Variants in RAD51B observed in about 807,000 individuals in gnomAD.
The protein encoded by RAD51B is RAD51 paralog B, also known as DNA repair protein RAD51 homolog 2.
Under a neutral mutation model 42.2 loss-of-function variants are expected in RAD51B, and 38 were observed. The ratio of observed to expected loss-of-function variants is 0.90; its 90% CI spans 0.70 to 1.18. The LOEUF is 1.18. Among genes scored for constraint, RAD51B ranks in the 50% most tolerant of loss-of-function variants. The pLI is 0.00. For synonymous variants in RAD51B, 154 were observed against 145.2 expected, an observed-to-expected ratio of 1.06 and a Z score of -0.43; for missense variants, 373 against 400.7, an observed-to-expected ratio of 0.93 and a Z score of 0.59.
intron 7 of RAD51B, among the ~76,000 whole-genome samples, chr14:68,117,866 A>G (rs1387171166): frequency 1.3e-5 from 2 of 152,232 alleles, no homozygotes; most frequent in Non-Finnish European, 2.9e-5. Flanking sequence ...ATTGCAAGAA[A>G]TATTTTTAGA....
intron 7 of RAD51B, chr14:68,114,082 T>C (rs192242310): frequency 9.2e-5 from 14 of 152,262 alleles, no homozygotes; most frequent in Non-Finnish European, 1.5e-4. Flanking sequence ...GTGAGAGTTT[T>C]CCACACTGAA....
intron 5 of RAD51B, among the ~76,000 whole-genome samples, chr14:67,879,283 T>TA (rs2042830438): frequency 6.6e-6 from 1 of 152,348 alleles, no homozygotes; most frequent in Admixed American, 6.5e-5. Flanking sequence ...CCAGATTATG[T>TA]AGGATAATCT....
Position 68,497,121 on chromosome 14 carries a change from C to T in RAD51B, c.1036+28871C>T, listed in dbSNP as rs186629790. 3.6e-6 allele frequency: 5 copies of T among 1,389,010 alleles called. No homozygotes were observed. Among genetic ancestry groups the T allele is most frequent in the African/African-American group, 2.9e-5 (2 of 69,500 alleles). The allele number at this position is 1,389,010 out of a possible 1,614,324, so 86.0% of individuals were successfully genotyped here. A position where few individuals can be genotyped will look rare whatever the true frequency, so the allele number is the denominator to read the frequency against. On this transcript the variant is annotated intron_variant, in intron 10 of 10. Transcript: ENST00000487270. ...GACACTCATGTTCTTTTTCTTCTTG[C>T]AGCCTATGGAAATTCCTAGAGACAG...
chr14:68,535,756 G>A (rs1208602453), intron 10 of RAD51B, among the ~76,000 whole-genome samples: 3 of 152,194 alleles, frequency 2.0e-5, no homozygotes, highest in Admixed American at 2.0e-4. Context: ...CTGGATGGAG[G>A]AAGCCTGGGA....
intron 7 of RAD51B, among the ~76,000 whole-genome samples, chr14:67,926,643 A>G (rs997955300): frequency 3.7e-5 from 5 of 134,690 alleles, no homozygotes; most frequent in Admixed American, 2.7e-4. Context: ...GGCTCACTGC[A>G]GCCTCCGCCT....
At chr14:67,988,413 T>C (rs2075232641) in intron 7 of RAD51B, among the ~76,000 whole-genome samples, 2 of 151,916 alleles carry the variant, frequency 1.3e-5, no homozygotes, top group East Asian at 1.9e-4. Context: ...GAGCCAAGAT[T>C]GCACCACTGC....
chr14:67,972,690 T>C (rs2074921636), intron 7 of RAD51B, among the ~76,000 whole-genome samples: 1 of 152,176 alleles, frequency 6.6e-6, no homozygotes, highest in South Asian at 2.1e-4. Context: ...GCTTAACCTG[T>C]AATTATCAGA....
In RAD51B at chr14:68,175,249, G is replaced by T. The variant is rs540539262; in HGVS notation, c.757-116635G>T. 2.0e-5 allele frequency among the ~76,000 whole-genome samples: 3 copies of T among 152,214 alleles called. No homozygotes were observed. The East Asian group carries it at 5.8e-4, about 29-fold the overall frequency. On this transcript the variant is annotated intron_variant, in intron 7 of 10. Transcript: ENST00000471583. ...AAAAAGAAATCATGGTGCATTTACT[G>T]GCCTTAAAGAAAGTTGGTATGTTTA...
chr14:68,371,350 C>G (rs918297872), intron 8 of RAD51B, among the ~76,000 whole-genome samples: 11 of 152,042 alleles, frequency 7.2e-5, no homozygotes, highest in African/African-American at 2.7e-4. Flanking sequence ...AACCCCGTCT[C>G]TACTAAAAAT....
chr14:67,875,653 G>C (rs538796783), intron 5 of RAD51B, among the ~76,000 whole-genome samples: 4 of 152,268 alleles, frequency 2.6e-5, no homozygotes, highest in Non-Finnish European at 5.9e-5. Context: ...ATACTATCTA[G>C]GTTTGTAGAA....
At chr14:67,830,474 T>G (rs2040998397) in intron 3 of RAD51B, among the ~76,000 whole-genome samples, 1 of 151,498 alleles carries the variant, frequency 6.6e-6, no homozygotes, top group South Asian at 2.1e-4. Flanking sequence ...CGATCTTGGC[T>G]CACTGCAATC....
intron 10 of RAD51B, among the ~76,000 whole-genome samples, chr14:68,490,924 C>A (rs967193419): frequency 6.6e-6 from 1 of 152,132 alleles, no homozygotes; most frequent in Non-Finnish European, 1.5e-5. Flanking sequence ...CTCAGAGGGG[C>A]CTTACACTGT....
rs566974635 is a variant in RAD51B, at chr14:67,900,951, T to C, written c.756+13747T>C. 2.6e-5 allele frequency among the ~76,000 whole-genome samples: 4 copies of C among 152,262 alleles called. No homozygotes were observed. The South Asian group carries it at 8.3e-4, about 32-fold the overall frequency. On this transcript the variant is annotated intron_variant, in intron 7 of 10. Transcript: ENST00000471583. ...CTGCTTAGTCCCTAGTTCAGCTAGG[T>C]CCAAGTTTTTGTCTCATGACCAAGA...
At chr14:68,073,113 G>C (rs767631112) in intron 7 of RAD51B, among the ~76,000 whole-genome samples, 17 of 152,194 alleles carry the variant, frequency 1.1e-4, no homozygotes, top group Non-Finnish European at 1.9e-4. Flanking sequence ...GATACTGTCA[G>C]TGGGGTGTTG....
chr14:68,333,764 A>T (rs745727477), intron 8 of RAD51B, among the ~76,000 whole-genome samples: 1 of 152,232 alleles, frequency 6.6e-6, no homozygotes, highest in Non-Finnish European at 1.5e-5. Context: ...TATTGATCAC[A>T]TAGTTACCAT....
intron 1 of RAD51B, among the ~76,000 whole-genome samples, chr14:67,820,474 G>A (rs1457831844): frequency 6.6e-6 from 1 of 152,004 alleles, no homozygotes; most frequent in Non-Finnish European, 1.5e-5. Context: ...GGAGGACAGG[G>A]TTCATTCTCC....
intron 4 of RAD51B, among the ~76,000 whole-genome samples, chr14:67,850,359 T>C (rs2041763765): frequency 6.6e-6 from 1 of 152,126 alleles, no homozygotes; most frequent in African/African-American, 2.4e-5. Flanking sequence ...TTTCTTGTAT[T>C]ATTATTGTTT....
At chr14:68,282,981 A>G (rs892436544) in intron 7 of RAD51B, among the ~76,000 whole-genome samples, 1 of 152,150 alleles carries the variant, frequency 6.6e-6, no homozygotes, top group African/African-American at 2.4e-5. Flanking sequence ...CAATGTTGGT[A>G]TTTATCAGGT....
At chr14:68,570,504 C>T (rs1449987214) in intron 10 of RAD51B, among the ~76,000 whole-genome samples, 1 of 152,190 alleles carries the variant, frequency 6.6e-6, no homozygotes, top group African/African-American at 2.4e-5. Context: ...AACAGATTCC[C>T]ATCAACTGTT....
Sources: allele counts gnomAD v4.1 joint callset (sites outside exome capture counted in the v4.1 genomes callset), GRCh38; gene constraint gnomAD v4.1.1; transcripts MANE v1.5; gene names NCBI Gene and HGNC (gene_info 2026-07-23, HGNC 2026-07-21).